DZIP3: variants seen among roughly 807,000 people sequenced by gnomAD.
The protein encoded by DZIP3 is DAZ interacting zinc finger protein 3, also known as E3 ubiquitin-protein ligase DZIP3.
DZIP3 carries 118 observed loss-of-function variants against 162.0 expected under a neutral mutation model. The observed-to-expected ratio is 0.73, with a 90% CI of 0.63 to 0.85. The LOEUF is 0.85. Among genes scored for constraint, DZIP3 ranks in the 40% least tolerant of loss-of-function variants. The probability of loss-of-function intolerance (pLI) is 0.00; values close to 1 mark genes in which losing one functional copy is unlikely to be tolerated. For missense variants in DZIP3, 1,331 were observed against 1,407.0 expected (o/e 0.95, Z 0.86); for synonymous variants, 438 against 458.6 (o/e 0.96, Z 0.57).
At chr3:108,629,204 T>G (rs1228973584) in intron 8 of DZIP3, 28 bp downstream of exon 8, 2 of 1,357,320 alleles carry the variant, frequency 1.5e-6, no homozygotes, top group Non-Finnish European at 2.0e-6. Flanking sequence ...AGTAACATTT[T>G]ATTTGTAACT....
chr3:108,600,610 C>T (rs905404829), intron 1 of DZIP3, among the ~76,000 whole-genome samples: 1 of 152,122 alleles, frequency 6.6e-6, no homozygotes, highest in African/African-American at 2.4e-5. Context: ...ATTTCTCCTT[C>T]ACAGTAGGGA....
intron 5 of DZIP3, among the ~76,000 whole-genome samples, chr3:108,623,328 G>A (rs774835990): frequency 2.0e-5 from 3 of 152,128 alleles, no homozygotes. Flanking sequence ...GGCCCATGGC[G>A]AGTACTGCTA....
chr3:108,604,017 AAT>A (rs1267175539), intron 1 of DZIP3, among the ~76,000 whole-genome samples: 4 of 152,190 alleles, frequency 2.6e-5, no homozygotes, highest in Non-Finnish European at 5.9e-5. Flanking sequence ...TCATTAAAAC[AAT>A]GTTTCTTTGA....
intron 1 of DZIP3, 50 bp downstream of exon 1, chr3:108,589,889 C>T (rs958088525): frequency 1.3e-5 from 2 of 152,584 alleles, no homozygotes; most frequent in African/African-American, 4.8e-5. Flanking sequence ...TTGAGGCGGC[C>T]TGGGAGGGGC....
intron 8 of DZIP3, among the ~76,000 whole-genome samples, chr3:108,631,053 A>ACTCTCTCTCTCT (rs1559741298): frequency 5.3e-4 from 17 of 32,286 alleles, no homozygotes; most frequent in Non-Finnish European, 5.7e-4. Context: ...ACACACACAC[A>ACTCTCTCTCTCT]CACTCTCTCT....
intron 15 of DZIP3, among the ~76,000 whole-genome samples, chr3:108,647,067 T>C (rs1942655535): frequency 6.6e-6 from 1 of 152,122 alleles, no homozygotes; most frequent in African/African-American, 2.4e-5. Context: ...GAAAATGATG[T>C]GATCAAATCA....
intron 1 of DZIP3, among the ~76,000 whole-genome samples, chr3:108,597,560 A>AT (rs1457653449): frequency 6.6e-6 from 1 of 152,172 alleles, no homozygotes; most frequent in African/African-American, 2.4e-5. Context: ...GGTGCAGAGC[A>AT]TGGGTCTTTG....
intron 25 of DZIP3, 47 bp from the exon 26 acceptor site, chr3:108,677,449 CT>C: frequency 6.6e-7 from 1 of 1,509,300 alleles, no homozygotes; most frequent in Non-Finnish European, 9.2e-7. Flanking sequence ...TATGCTGTCT[CT>C]TTAAAGTTGG....
chr3:108,605,568 A>T (rs1290045694), intron 2 of DZIP3, 130 bp downstream of exon 2: 1 of 894,260 alleles, frequency 1.1e-6, no homozygotes. Context: ...ATCAGGCATT[A>T]GATTCTCACA....
intron 5 of DZIP3, among the ~76,000 whole-genome samples, chr3:108,617,886 C>T (rs1478480449): frequency 6.6e-6 from 1 of 152,190 alleles, no homozygotes; most frequent in Non-Finnish European, 1.5e-5. Context: ...GCCTTCTTTA[C>T]TTAGACATTA....
At chr3:108,624,619 G>A (rs1941511087) in intron 6 of DZIP3, 95 bp downstream of exon 6, 1 of 614,134 alleles carries the variant, frequency 1.6e-6, no homozygotes, top group South Asian at 2.7e-5. Context: ...ATTAAAAAAG[G>A]AAACTTAATA....
chr3:108,644,301 A>G lies in DZIP3; in HGVS notation c.1279A>G (p.Ile427Val), dbSNP rs924929100. ...TCCTCTTTTGAAAAAAGAGCTTCTT[A>G]TACACAAGAATGTGCTGGAATCCTA... ...PPPLLKKELL[I>V]HKNVLESYYN... is the part of the protein sequence containing the mutation. Residue 427 changes from isoleucine (I) to valine (V), a missense_variant, in exon 14 of 33, where the codon ATA becomes GTA. Around this residue, in one of 2 missense-constraint regions of DZIP3, gnomAD observed 1,278 missense variants for 1,317.1 expected, o/e 0.97. Transcript: ENST00000361582. 1 of 1,613,928 alleles carries G rather than the reference A, an allele frequency of 6.2e-7. No homozygotes were observed. The highest frequency in any genetic ancestry group is 1.3e-5 in the African/African-American group (1 of 74,930).
At chr3:108,593,038 T>C (rs1398521967) in intron 1 of DZIP3, among the ~76,000 whole-genome samples, 1 of 151,456 alleles carries the variant, frequency 6.6e-6, no homozygotes, top group African/African-American at 2.4e-5. Flanking sequence ...TTGATATTCA[T>C]CATGTTTAAG....
intron 18 of DZIP3, among the ~76,000 whole-genome samples, chr3:108,651,812 A>G (rs1238548145): frequency 6.6e-6 from 1 of 151,838 alleles, no homozygotes; most frequent in Non-Finnish European, 1.5e-5. Flanking sequence ...TGAAGAGATC[A>G]TTATTCTTAC....
Position 108,590,892 on chromosome 3 carries a change from C to A in DZIP3, c.-73+1053C>A, listed in dbSNP as rs1405487080. Among the ~76,000 whole-genome samples the A allele has an allele frequency of 2.0e-5, 3 of 152,100 alleles. No homozygotes were observed. In the East Asian group the frequency reaches 5.8e-4, roughly 29 times the overall value. On this transcript the variant is annotated intron_variant, in intron 1 of 32. Coordinates refer to ENST00000361582, the MANE Select transcript of DZIP3 (RefSeq NM_014648.4). Reference sequence around the variant, plus strand: ...TTGAGAATCTACAATGTGCTAAGCACTTTTCTAGACACAATAGACTCAGTG... The same window carrying A: ...TTGAGAATCTACAATGTGCTAAGCAATTTTCTAGACACAATAGACTCAGTG...
Position 108,686,435 on chromosome 3 carries a change from C to A in DZIP3, c.3010-10C>A. ...AAACCTGCTGGGCTATAGCTCTCTG[C>A]CTCTTACAGATGACTGGCATAGCCT... On this transcript the variant is annotated splice_polypyrimidine_tract_variant and intron_variant, in intron 27 of 32. Transcript: ENST00000361582. 6.4e-7 allele frequency: 1 copy of A among 1,563,260 alleles called. No homozygotes were observed. Among genetic ancestry groups the A allele is most frequent in the South Asian group, 1.2e-5 (1 of 82,710 alleles).
At chr3:108,623,393 C>T (rs1018761301) in intron 5 of DZIP3, among the ~76,000 whole-genome samples, 1 of 152,124 alleles carries the variant, frequency 6.6e-6, no homozygotes, top group African/African-American at 2.4e-5. Context: ...TAATGAACCC[C>T]GCCAGGACTG....
rs576253397 is a variant in DZIP3 at position 108,617,884 on chromosome 3, T to C, written c.375+1227T>C. Among the ~76,000 whole-genome samples the C allele has an allele frequency of 1.5e-3, 221 of 152,306 alleles. 1 individual carries two copies. The highest frequency in any genetic ancestry group is 5.1e-3 in the African/African-American group (210 of 41,562). On this transcript the variant is annotated intron_variant, in intron 5 of 32. Coordinates refer to ENST00000361582, the MANE Select transcript of DZIP3 (RefSeq NM_014648.4). Reference sequence around the variant, plus strand: ...CAGGTACCCATTGCTTAGCCTTCTTTACTTAGACATTACTTCAAAGATGAG... The same window carrying C: ...CAGGTACCCATTGCTTAGCCTTCTTCACTTAGACATTACTTCAAAGATGAG...
intron 8 of DZIP3, among the ~76,000 whole-genome samples, chr3:108,631,708 A>G (rs928112979): frequency 7.1e-6 from 1 of 141,512 alleles, no homozygotes; most frequent in Non-Finnish European, 1.5e-5. Context: ...TTTTTCTGTT[A>G]TCTTTTAACT....
Sources: gnomAD v4.1 joint callset for allele counts (sites outside exome capture counted in the v4.1 genomes callset) on GRCh38, gnomAD v4.1.1 for gene constraint, gnomAD v4.1.1 regional missense constraint, MANE v1.5 for transcripts, NCBI Gene and HGNC (gene_info 2026-07-23, HGNC 2026-07-21) for gene names.